HSPH1: variants seen among roughly 807,000 people sequenced by gnomAD.
HSPH1 encodes the protein heat shock protein family H (Hsp110) member 1, also known as heat shock protein 105 kDa.
A neutral mutation model predicts 100.0 loss-of-function variants in HSPH1; 40 were observed. The ratio of observed to expected loss-of-function variants is 0.40; its 90% confidence interval spans 0.31 to 0.52. The LOEUF (loss-of-function observed/expected upper bound fraction) is 0.52, where lower values mean the gene tolerates loss of function less well. Ranked by LOEUF, HSPH1 falls within the 20% of genes least tolerant of loss-of-function variation. The probability of loss-of-function intolerance (pLI) is 0.54; values close to 1 mark genes in which losing one functional copy is unlikely to be tolerated. For missense variants in HSPH1, 876 were observed against 1,015.1 expected (o/e 0.86, Z 1.86); for synonymous variants, 403 against 344.0 (o/e 1.17, Z -1.90).
intron 5 of HSPH1, chr13:31,151,964 G>A (rs1190061249): frequency 4.1e-6 from 2 of 489,354 alleles, no homozygotes; most frequent in Admixed American, 7.5e-5. Context: ...TCAATATATG[G>A]AGATGTGCTA....
Position 31,144,820 on chromosome 13 carries a change from AT to A in HSPH1, c.1584+742del, listed in dbSNP as rs372685800. 6.0e-4 allele frequency among the ~76,000 whole-genome samples: 91 copies of A among 152,204 alleles called. 3 individuals carry two copies. In the East Asian group the frequency reaches 0.015, roughly 26 times the overall value. On this transcript the variant is annotated intron_variant, in intron 11 of 17. Coordinates refer to ENST00000320027, the MANE Select transcript of HSPH1 (RefSeq NM_006644.4). ...ATTTAACCCATTACTGTACATTAGA[AT>A]TTTTCTAGATGAGAATAAAACTACG...
chr13:31,161,124 CA>C (rs1447358756), intron 1 of HSPH1, among the ~76,000 whole-genome samples: 1 of 152,218 alleles, frequency 6.6e-6, no homozygotes, highest in Non-Finnish European at 1.5e-5. Context: ...GCGCAGGCTG[CA>C]GCCTGCCAAG....
At position 31,147,954 on chromosome 13, in the gene HSPH1, CT is replaced by C; in HGVS notation, c.1378+4del. On this transcript the variant is annotated splice_donor_region_variant and intron_variant, in intron 10 of 17. Transcript: ENST00000320027. Reference sequence around the variant, plus strand: ...AGAGTAAAATATACACAATGAACTCCTTACCTATTTTTGCTTCTGGATATGG... The same window carrying C: ...AGAGTAAAATATACACAATGAACTCCTACCTATTTTTGCTTCTGGATATGG... 6.3e-7 allele frequency: 1 copy of C among 1,583,474 alleles called. No homozygotes were observed. The highest frequency in any genetic ancestry group is 1.2e-5 in the South Asian group (1 of 84,786).
rs139690921 is a variant in HSPH1, at chr13:31,145,563, A to C, written c.1584T>G (p.Asp528Glu). 3.1e-4 allele frequency: 505 copies of C among 1,611,872 alleles called. No individual in the cohort carries two copies. In the African/African-American group the frequency reaches 5.9e-3, roughly 19 times the overall value. Residue 528 changes from aspartate to glutamate, a missense_variant and splice_region_variant, in exon 11 of 18, where the codon GAT becomes GAG. Transcript: ENST00000320027. ...CACAAAGGTTTATCCACAAACTTACATCAGTGTCTGGGTTTTCTGGTGGTC... is the reference window on the plus strand; with the variant it reads ...CACAAAGGTTTATCCACAAACTTACCTCAGTGTCTGGGTTTTCTGGTGGTC... ...NQRPPENPDT[D>E]KNVQQDNSEA...
Position 31,151,159 on chromosome 13 carries a change from T to A in HSPH1, c.696A>T (p.Gly232=). Residue 232 remains glycine (G), a synonymous_variant, in exon 7 of 18, where the codon GGA becomes GGT. Coordinates refer to ENST00000320027, the MANE Select transcript of HSPH1 (RefSeq NM_006644.4). ...CTAACTTTTCATCGAAGTTTTTTCC[T>A]CCTAAGAAAGGATCAAAAGCTGTTC... is the stretch of plus-strand genomic sequence containing the variant. The part of the protein sequence containing the change: ...VLGTAFDPFL[G]GKNFDEKLVE... 6.2e-7 allele frequency: 1 copy of A among 1,612,852 alleles called. No individual in the cohort carries two copies. Among genetic ancestry groups the A allele is most frequent in the Non-Finnish European group, 8.5e-7 (1 of 1,179,256 alleles).
chr13:31,160,678 T>C (rs966914983), intron 1 of HSPH1, among the ~76,000 whole-genome samples: 1 of 152,320 alleles, frequency 6.6e-6, no homozygotes, highest in South Asian at 2.1e-4. Context: ...TCCATCCTCT[T>C]TTGGCGTCCT....
chr13:31,150,660 C>T (rs1329454328), intron 7 of HSPH1, among the ~76,000 whole-genome samples: 1 of 152,156 alleles, frequency 6.6e-6, no homozygotes, highest in Non-Finnish European at 1.5e-5. Context: ...CTCTGTGAAA[C>T]GAGTTTTCAA....
intron 2 of HSPH1, among the ~76,000 whole-genome samples, chr13:31,158,239 C>T (rs1956767606): frequency 6.6e-6 from 1 of 151,980 alleles, no homozygotes. Context: ...AAATGAAAGG[C>T]AGCAAAAAGT....
chr13:31,157,075 G>A (rs1272745166), intron 2 of HSPH1, among the ~76,000 whole-genome samples: 1 of 152,078 alleles, frequency 6.6e-6, no homozygotes. Context: ...TTGAATAAAG[G>A]GAAGAATACA....
chr13:31,149,966 T>G lies in HSPH1; in HGVS notation c.1125A>C (p.Gly375=). ...TLNADEAVAR[G]CALQCAILSP... is the part of the protein sequence containing the mutation. ...GTTGAGAAAGTACCTGTAATGCACATCCTCTGGCTACTGCTTCATCTGCAT... is the reference window on the plus strand; with the variant it reads ...GTTGAGAAAGTACCTGTAATGCACAGCCTCTGGCTACTGCTTCATCTGCAT... The change falls in exon 8 of 18, where the codon GGA becomes GGC. Residue 375 remains glycine (G), a synonymous_variant. Transcript: ENST00000320027. 1 of 1,613,364 alleles carries G rather than the reference T, an allele frequency of 6.2e-7. No homozygotes were observed. The highest frequency in any genetic ancestry group is 8.5e-7 in the Non-Finnish European group (1 of 1,179,398).
chr13:31,145,486 C>A, intron 11 of HSPH1, 77 bp downstream of exon 11: 1 of 1,059,260 alleles, frequency 9.4e-7, no homozygotes, highest in East Asian at 2.4e-5. Flanking sequence ...TCATTTTAAC[C>A]CTTCCCTACC....
chr13:31,137,865 T>C (rs1308624519), intron 17 of HSPH1, among the ~76,000 whole-genome samples: 2 of 152,170 alleles, frequency 1.3e-5, no homozygotes, highest in Non-Finnish European at 2.9e-5. Flanking sequence ...AGGAAAGAGC[T>C]AGAATTCAAG....
chr13:31,161,082 G>C (rs923393209), intron 1 of HSPH1, among the ~76,000 whole-genome samples: 1 of 152,236 alleles, frequency 6.6e-6, no homozygotes, highest in Non-Finnish European at 1.5e-5. Flanking sequence ...GCTCAGAGAG[G>C]CCGGGTGGGG....
intron 13 of HSPH1, 67 bp downstream of exon 13, chr13:31,141,055 A>C (rs531324827): frequency 2.0e-6 from 2 of 980,444 alleles, no homozygotes; most frequent in African/African-American, 3.4e-5. Context: ...ATCTACTAGA[A>C]ATATAGATAT....
chr13:31,161,851 C>T lies in HSPH1; in HGVS notation c.-269G>A. 6.8e-7 allele frequency: 1 copy of T among 1,478,822 alleles called. No homozygotes were observed. Among genetic ancestry groups the T allele is most frequent in the Non-Finnish European group, 9.0e-7 (1 of 1,116,924 alleles). 91.6% of individuals were successfully genotyped at this position (1,478,822 alleles called of 1,614,324 possible). A position where few individuals can be genotyped will look rare whatever the true frequency, so the allele number is the denominator to read the frequency against. ...CAGGTCGCTCCGCACCTCGGGTTGC[C>T]TGCCTCACTCTGCCGCGGCTCGCAC... On this transcript the variant is annotated 5_prime_UTR_variant, in exon 1 of 18. Coordinates refer to ENST00000320027, the MANE Select transcript of HSPH1 (RefSeq NM_006644.4).
chr13:31,137,696 T>C (rs954060568), intron 17 of HSPH1, among the ~76,000 whole-genome samples, 172 bp from the exon 18 acceptor site: 8 of 152,202 alleles, frequency 5.3e-5, no homozygotes. Context: ...CTGACCAAAA[T>C]AGAGTATTAA....
At chr13:31,161,935 T>A, upstream of HSPH1, 1 of 1,532,586 alleles carries the variant, frequency 6.5e-7, no homozygotes, top group South Asian at 1.2e-5. Flanking sequence ...CTCAGCCTTA[T>A]GTATCGCACT....
chr13:31,158,348 A>T (rs1190865160), intron 2 of HSPH1, among the ~76,000 whole-genome samples: 1 of 152,134 alleles, frequency 6.6e-6, no homozygotes, highest in African/African-American at 2.4e-5. Flanking sequence ...CAGGAGTTCG[A>T]GATCAGTCTG....
upstream of HSPH1, chr13:31,162,208 A>G (rs1161718326): frequency 2.1e-6 from 2 of 935,608 alleles, no homozygotes; most frequent in Non-Finnish European, 3.3e-6. Flanking sequence ...AATGACTCCA[A>G]AACTCGGAAT....
Sources: gnomAD v4.1 joint callset for allele counts (sites outside exome capture counted in the v4.1 genomes callset) on GRCh38, gnomAD v4.1.1 for gene constraint, MANE v1.5 for transcripts, NCBI Gene and HGNC (gene_info 2026-07-23, HGNC 2026-07-21) for gene names.